The following RXRG variants were observed in gnomAD, a reference collection of about 807,000 sequenced individuals.
RXRG encodes retinoid X receptor gamma.
A neutral mutation model predicts 49.2 loss-of-function variants in RXRG; 19 were observed. That is an observed-to-expected ratio of 0.39 (90% CI 0.27 to 0.57). RXRG has a LOEUF of 0.57. Ranked by LOEUF, RXRG falls within the 20% of genes least tolerant of loss-of-function variation. RXRG has a pLI of 0.64. For synonymous variants in RXRG, 224 were observed against 216.6 expected, an observed-to-expected ratio of 1.03 and a Z score of -0.30; for missense variants, 452 against 592.5, an observed-to-expected ratio of 0.76 and a Z score of 2.46.
Position 165,417,180 on chromosome 1 carries a change from C to T in RXRG, c.483G>A (p.Gly161=), listed in dbSNP as rs372646503. 6.2e-7 allele frequency: 1 copy of T among 1,614,048 alleles called. No homozygotes were observed. The highest frequency in any genetic ancestry group is 1.7e-5 in the Admixed American group (1 of 60,032). ...YGVYSCEGCK[G]FFKRTIRKDL... is the part of the protein sequence containing the mutation. ...CCTTCCTTATCGTCCTCTTGAAGAA[C>T]CCTTTGCAGCCTTCACAACTGTATA... The change falls in exon 4 of 10, where the codon GGG becomes GGA. Residue 161 remains glycine, a synonymous_variant. Coordinates refer to ENST00000359842, the MANE Select transcript of RXRG (RefSeq NM_006917.5).
chr1:165,433,226 C>T (rs1358912493), intron 1 of RXRG, among the ~76,000 whole-genome samples: 1 of 152,132 alleles, frequency 6.6e-6, no homozygotes, highest in Admixed American at 6.5e-5. Flanking sequence ...CGAACCCGCT[C>T]GTGCCTTGAT....
intron 1 of RXRG, among the ~76,000 whole-genome samples, chr1:165,438,368 C>G (rs1658879939): frequency 2.6e-5 from 4 of 151,868 alleles, no homozygotes; most frequent in Admixed American, 2.6e-4. Context: ...AAAAAAAATC[C>G]CAAATCCAAA....
At chr1:165,421,348 C>T (rs187934954) in intron 2 of RXRG, among the ~76,000 whole-genome samples, 17 of 152,126 alleles carry the variant, frequency 1.1e-4, no homozygotes. Context: ...CTTCCAGCAC[C>T]ACCCCTTTTT....
At position 165,445,093 on chromosome 1, in the gene RXRG, T is replaced by C. The variant is rs1394041074; in HGVS notation, c.-200A>G. 2 of 581,788 alleles carry C rather than the reference T, an allele frequency of 3.4e-6. No individual in the cohort carries two copies. Among genetic ancestry groups the C allele is most frequent in the Non-Finnish European group, 6.2e-6 (2 of 325,006 alleles). 36.0% of individuals were successfully genotyped at this position (581,788 alleles called of 1,614,324 possible). On this transcript the variant is annotated 5_prime_UTR_variant, in exon 1 of 10. Coordinates refer to ENST00000359842, the MANE Select transcript of RXRG (RefSeq NM_006917.5). ...CCTCTAGATCGGAGAGTCCACATAG[T>C]GCGTTTGAGACGGCTGTGGCGGCAG...
At chr1:165,426,046 C>A (rs543713333) in intron 2 of RXRG, among the ~76,000 whole-genome samples, 1 of 152,342 alleles carries the variant, frequency 6.6e-6, no homozygotes, top group Non-Finnish European at 1.5e-5. Context: ...TGAGGCTGCA[C>A]AAGTCACTTG....
intron 1 of RXRG, 86 bp downstream of exon 1, chr1:165,444,759 A>G (rs575927530): frequency 1.2e-5 from 14 of 1,182,502 alleles, no homozygotes; most frequent in Middle Eastern, 1.9e-4. Flanking sequence ...CTTTTAATTC[A>G]ATACTAATCC....
chr1:165,410,108 C>A (rs1421503116), intron 6 of RXRG, among the ~76,000 whole-genome samples: 2 of 152,176 alleles, frequency 1.3e-5, no homozygotes, highest in Non-Finnish European at 2.9e-5. Flanking sequence ...TAGTAACACC[C>A]AACACAGTCT....
chr1:165,412,199 CAT>C (rs1175522968), intron 4 of RXRG, among the ~76,000 whole-genome samples: 2 of 152,142 alleles, frequency 1.3e-5, no homozygotes, highest in Non-Finnish European at 2.9e-5. Flanking sequence ...TCATGCGAGC[CAT>C]ATCAGTCTCT....
At chr1:165,417,363 G>T (rs1297862979) in intron 3 of RXRG, 143 bp from the exon 4 acceptor site, 2 of 680,894 alleles carry the variant, frequency 2.9e-6, no homozygotes, top group African/African-American at 1.8e-5. Context: ...CACTAGCAGA[G>T]AATGCAGGCT....
intron 1 of RXRG, 149 bp downstream of exon 1, chr1:165,444,696 C>T (rs536509542): frequency 3.7e-5 from 25 of 681,816 alleles, no homozygotes; most frequent in Middle Eastern, 2.6e-4. Flanking sequence ...CGTGCACACA[C>T]ACGCTGAAAC....
At chr1:165,408,003 C>T (rs968841346) in intron 8 of RXRG, among the ~76,000 whole-genome samples, 3 of 152,174 alleles carry the variant, frequency 2.0e-5, no homozygotes, top group Non-Finnish European at 4.4e-5. Context: ...CACCCTGGGC[C>T]ACCGTCATCT....
chr1:165,431,585 G>C (rs1368162359), intron 1 of RXRG, among the ~76,000 whole-genome samples: 1 of 152,092 alleles, frequency 6.6e-6, no homozygotes, highest in Non-Finnish European at 1.5e-5. Context: ...TCTTGCTTAG[G>C]CTTGCCAAAA....
intron 1 of RXRG, among the ~76,000 whole-genome samples, chr1:165,439,514 G>T (rs1431929407): frequency 2.6e-5 from 4 of 152,198 alleles, no homozygotes. Context: ...ATGCAGCAGC[G>T]TCAACCCATC....
chr1:165,444,910 A>T lies in RXRG; in HGVS notation c.-17T>A. The T allele has an allele frequency of 6.2e-7, 1 of 1,613,452 alleles. No individual in the cohort carries two copies. Among genetic ancestry groups the T allele is most frequent in the Non-Finnish European group, 8.5e-7 (1 of 1,179,434 alleles). On this transcript the variant is annotated 5_prime_UTR_variant, in exon 1 of 10. It removes an upstream start codon present in the reference 5' UTR. Coordinates refer to ENST00000359842, the MANE Select transcript of RXRG (RefSeq NM_006917.5). Reference sequence around the variant, plus strand: ...TCCATACATGTTTACTCGTCAGTTCATGTTCCTCTCCTGTGCAGCTTCTAA... The same window carrying T: ...TCCATACATGTTTACTCGTCAGTTCTTGTTCCTCTCCTGTGCAGCTTCTAA...
intron 1 of RXRG, among the ~76,000 whole-genome samples, chr1:165,434,261 C>T (rs893534368): frequency 7.9e-6 from 1 of 125,874 alleles, no homozygotes; most frequent in African/African-American, 3.2e-5. Context: ...AATCTCTAAA[C>T]AATGAATTGC....
chr1:165,409,515 AC>A, intron 7 of RXRG, 42 bp downstream of exon 7: 4 of 1,405,138 alleles, frequency 2.8e-6, no homozygotes, highest in Non-Finnish European at 2.8e-6. Context: ...ACACACACAC[AC>A]ACACATAATA....
At chr1:165,408,697 G>A (rs1657839044) in intron 7 of RXRG, among the ~76,000 whole-genome samples, 1 of 152,150 alleles carries the variant, frequency 6.6e-6, no homozygotes, top group Admixed American at 6.5e-5. Flanking sequence ...ACACAGCAGA[G>A]GGCAGCATTC....
At chr1:165,420,644 C>G (rs959484952) in intron 2 of RXRG, among the ~76,000 whole-genome samples, 1 of 152,162 alleles carries the variant, frequency 6.6e-6, no homozygotes, top group Non-Finnish European at 1.5e-5. Flanking sequence ...TCGAATACAT[C>G]CCTTATTGTA....
chr1:165,424,908 C>T (rs166899), intron 2 of RXRG: 155,965 of 985,320 alleles, frequency 0.16, 13,798 homozygotes, highest in African/African-American at 0.36. Context: ...AGTGTCATCT[C>T]GTTAACCGAG....
Sources: allele counts gnomAD v4.1 joint callset (sites outside exome capture counted in the v4.1 genomes callset), GRCh38; gene constraint gnomAD v4.1.1; transcripts MANE v1.5; gene names NCBI Gene and HGNC (gene_info 2026-07-23, HGNC 2026-07-21).